ARIH1: variants seen among roughly 807,000 people sequenced by gnomAD.
ARIH1 encodes the protein E3 ubiquitin-protein ligase ARIH1.
A neutral mutation model predicts 85.0 loss-of-function variants in ARIH1; 8 were observed. That is an observed-to-expected ratio of 0.09 (90% CI 0.06 to 0.17). The LOEUF is 0.17. Ranked by LOEUF, ARIH1 falls within the 10% of genes least tolerant of loss-of-function variation. The pLI is 1.00. For missense variants in ARIH1, 311 were observed against 718.1 expected, an observed-to-expected ratio of 0.43 and a Z score of 6.48; for synonymous variants, 238 against 253.6, an observed-to-expected ratio of 0.94 and a Z score of 0.59.
Position 72,581,010 on chromosome 15 carries a change from G to C in ARIH1, c.1476+19G>C, listed in dbSNP as rs772374581. On this transcript the variant is annotated intron_variant, in intron 12 of 13. Transcript: ENST00000379887. ...CTTTGAGGTAGGAGTAGTTCTGGGTGAGGAAAAAGCCCACCTTGTATCATA... is the reference window on the plus strand; with the variant it reads ...CTTTGAGGTAGGAGTAGTTCTGGGTCAGGAAAAAGCCCACCTTGTATCATA... The C allele has an allele frequency of 1.9e-6, 3 of 1,603,726 alleles. No individual in the cohort carries two copies. The highest frequency in any genetic ancestry group is 3.4e-5 in the Admixed American group (2 of 59,158).
At chr15:72,561,662 G>A (rs954046876) in intron 6 of ARIH1, 113 bp downstream of exon 6, 4 of 683,270 alleles carry the variant, frequency 5.9e-6, no homozygotes, top group Non-Finnish European at 9.3e-6. Context: ...TATTTATGAA[G>A]CATGCCAAAA....
chr15:72,516,444 A>G (rs765480466), intron 1 of ARIH1, among the ~76,000 whole-genome samples: 1 of 152,098 alleles, frequency 6.6e-6, no homozygotes, highest in African/African-American at 2.4e-5. Flanking sequence ...AAAGTTTTAC[A>G]TCACATTTCT....
At position 72,493,216 on chromosome 15, in the gene ARIH1, T is replaced by C. The variant is rs1410906303; in HGVS notation, c.375+18202T>C. Among the ~76,000 whole-genome samples the C allele has an allele frequency of 3.3e-5, 5 of 152,152 alleles. No individual in the cohort carries two copies. The East Asian group carries it at 7.7e-4, about 23-fold the overall frequency. The stretch of plus-strand genomic sequence containing the variant: ...GCGATTCTATAATTTTAAAGACTTA[T>C]TTAACATATTGGAGACTAGCAGTGC... On this transcript the variant is annotated intron_variant, in intron 1 of 13. Coordinates refer to ENST00000379887, the MANE Select transcript of ARIH1 (RefSeq NM_005744.5).
At position 72,599,998 on chromosome 15, in the gene ARIH1, G is replaced by C. The variant is rs1212629948; in HGVS notation, c.*16706G>C. On this transcript the variant is annotated 3_prime_UTR_variant, in exon 14 of 14. Coordinates refer to ENST00000379887, the MANE Select transcript of ARIH1 (RefSeq NM_005744.5). ...TGGACTCTCAAGCGTTTGTGGTATA[G>C]GTTTTGGGAGGACTGGACACTTCCA... 1 of 152,168 alleles carries C rather than the reference G, an allele frequency of 6.6e-6. No individual in the cohort carries two copies. Among genetic ancestry groups the C allele is most frequent in the Non-Finnish European group, 1.5e-5 (1 of 68,044 alleles). The allele number at this position is 152,168 out of a possible 1,614,324, so 9.4% of individuals were successfully genotyped here. A position where few individuals can be genotyped will look rare whatever the true frequency, so the allele number is the denominator to read the frequency against.
chr15:72,551,312 A>G (rs1227038413), intron 3 of ARIH1, among the ~76,000 whole-genome samples: 2 of 152,216 alleles, frequency 1.3e-5, no homozygotes, highest in East Asian at 3.9e-4. Flanking sequence ...AGAAGATTAA[A>G]TTGACAGGGG....
At chr15:72,552,937 C>G (rs10851855) in intron 3 of ARIH1, among the ~76,000 whole-genome samples, 133,256 of 152,068 alleles carry the variant, frequency 0.88, 61,038 homozygotes, top group East Asian at 1. Context: ...ACCACACCTG[C>G]CTAATTTTTG....
intron 3 of ARIH1, among the ~76,000 whole-genome samples, chr15:72,550,534 A>G (rs569840033): frequency 6.6e-6 from 1 of 152,338 alleles, no homozygotes; most frequent in Non-Finnish European, 1.5e-5. Context: ...CAAAGACTCC[A>G]TTAGTGATGT....
At chr15:72,581,140 T>C in intron 12 of ARIH1, 149 bp downstream of exon 12, 3 of 895,004 alleles carry the variant, frequency 3.4e-6, no homozygotes, top group Non-Finnish European at 4.9e-6. Context: ...ACAAGAAATT[T>C]CTATTTCTTG....
At chr15:72,508,222 C>T (rs892112963) in intron 1 of ARIH1, among the ~76,000 whole-genome samples, 4 of 152,132 alleles carry the variant, frequency 2.6e-5, no homozygotes, top group African/African-American at 9.7e-5. Context: ...TTCTATTGTC[C>T]TAAAAGTTAA....
intron 1 of ARIH1, among the ~76,000 whole-genome samples, chr15:72,488,872 A>G (rs947120824): frequency 5.3e-5 from 8 of 152,196 alleles, no homozygotes; most frequent in South Asian, 4.1e-4. Context: ...TGAATATTCA[A>G]CCTTTTAGGT....
At chr15:72,549,012 A>G (rs2064141342) in intron 3 of ARIH1, among the ~76,000 whole-genome samples, 1 of 152,106 alleles carries the variant, frequency 6.6e-6, no homozygotes, top group Non-Finnish European at 1.5e-5. Flanking sequence ...TTTAGGTTAA[A>G]GTAGTTAAGA....
At chr15:72,539,598 A>T (rs1423297793) in intron 2 of ARIH1, among the ~76,000 whole-genome samples, 1 of 152,240 alleles carries the variant, frequency 6.6e-6, no homozygotes, top group Non-Finnish European at 1.5e-5. Flanking sequence ...AACATGGAGG[A>T]CAAATTAAGA....
chr15:72,568,911 GT>G (rs1466885968), intron 9 of ARIH1, among the ~76,000 whole-genome samples: 4 of 152,100 alleles, frequency 2.6e-5, no homozygotes, highest in Non-Finnish European at 5.9e-5. Flanking sequence ...TACTAATATA[GT>G]GGGTGATCCC....
rs1241263966 is a variant in ARIH1 at position 72,592,811 on chromosome 15, T to C, written c.*9519T>C. 1.3e-5 allele frequency: 2 copies of C among 152,246 alleles called. No individual in the cohort carries two copies. Among genetic ancestry groups the C allele is most frequent in the Non-Finnish European group, 2.9e-5 (2 of 68,036 alleles). The allele number at this position is 152,246 out of a possible 1,614,324, so 9.4% of individuals were successfully genotyped here. On this transcript the variant is annotated 3_prime_UTR_variant, in exon 14 of 14. Coordinates refer to ENST00000379887, the MANE Select transcript of ARIH1 (RefSeq NM_005744.5). ...CACAATTTGTTTATTCATTCTCCTA[T>C]TGAAGGACCTTTAGGTTGTTTCCAG...
intron 2 of ARIH1, among the ~76,000 whole-genome samples, chr15:72,539,987 C>T (rs373560703): frequency 1.4e-4 from 21 of 152,194 alleles, no homozygotes; most frequent in African/African-American, 3.6e-4. Flanking sequence ...GGGCCGGGCA[C>T]GGTGGCTCAT....
intron 1 of ARIH1, chr15:72,475,273 T>C: frequency 1.5e-6 from 1 of 664,700 alleles, no homozygotes; most frequent in Non-Finnish European, 2.2e-6. Context: ...CGCCTAAGCC[T>C]TCTCTTGCGG....
chr15:72,491,977 T>A (rs2063861352), intron 1 of ARIH1, among the ~76,000 whole-genome samples: 1 of 152,210 alleles, frequency 6.6e-6, no homozygotes, highest in Admixed American at 6.5e-5. Flanking sequence ...TTATACAGGC[T>A]GAGTCAATGG....
Position 72,589,053 on chromosome 15 carries a change from A to G in ARIH1, c.*5761A>G, listed in dbSNP as rs1021977183. ...AAGAATATTGGTATTTCTCAGCCATAGATTTCCCTTTTGTAAAATGGGAAT... is the reference window on the plus strand; with the variant it reads ...AAGAATATTGGTATTTCTCAGCCATGGATTTCCCTTTTGTAAAATGGGAAT... On this transcript the variant is annotated 3_prime_UTR_variant, in exon 14 of 14. Transcript: ENST00000379887. 2 of 152,196 alleles carry G rather than the reference A, an allele frequency of 1.3e-5. No homozygotes were observed. Among genetic ancestry groups the G allele is most frequent in the African/African-American group, 4.8e-5 (2 of 41,436 alleles). 9.4% of individuals were successfully genotyped at this position (152,196 alleles called of 1,614,324 possible).
chr15:72,542,942 T>A (rs1210370651), intron 2 of ARIH1, among the ~76,000 whole-genome samples: 10 of 150,432 alleles, frequency 6.6e-5, no homozygotes, highest in South Asian at 2.1e-4. Context: ...TTTTTTTTTT[T>A]AAATTTGAGA....
Sources: gnomAD v4.1 joint callset for allele counts (sites outside exome capture counted in the v4.1 genomes callset) on GRCh38, gnomAD v4.1.1 for gene constraint, MANE v1.5 for transcripts, NCBI Gene and HGNC (gene_info 2026-07-23, HGNC 2026-07-21) for gene names.